Variants in COL21A1 observed in about 807,000 individuals in gnomAD.
The protein encoded by COL21A1 is collagen alpha-1(XXI) chain.
A neutral mutation model predicts 137.9 loss-of-function variants in COL21A1; 149 were observed. That is an observed-to-expected ratio of 1.08 (90% CI 0.95 to 1.24). The LOEUF is 1.24. Ranked by LOEUF, COL21A1 falls within the 50% of genes most tolerant of loss-of-function variation. The pLI, the probability that COL21A1 is intolerant of heterozygous loss-of-function variation, is 0.00. For missense variants in COL21A1, 1,167 were observed against 1,158.4 expected (o/e 1.01, Z -0.11); for synonymous variants, 456 against 391.5 (o/e 1.16, Z -1.95).
At position 56,182,659 on chromosome 6, in the gene COL21A1, A is replaced by AG; in HGVS notation, c.-38-4dup. On this transcript the variant is annotated splice_polypyrimidine_tract_variant and splice_region_variant and intron_variant, in intron 1 of 29. Transcript: ENST00000244728. Reference sequence around the variant, plus strand: ...CTAATATTTTGGTTTTAGGATTCCTAGGGGGAAAAAAAAGGCAAGTTAAAT... The same window carrying AG: ...CTAATATTTTGGTTTTAGGATTCCTAGGGGGGAAAAAAAAGGCAAGTTAAAT... 1.5e-6 allele frequency: 2 copies of AG among 1,353,990 alleles called. No individual in the cohort carries two copies. Among genetic ancestry groups the AG allele is most frequent in the Non-Finnish European group, 2.1e-6 (2 of 967,388 alleles). The allele number at this position is 1,353,990 out of a possible 1,614,324, so 83.9% of individuals were successfully genotyped here.
chr6:56,320,558 T>A (rs1764841187), intron 1 of COL21A1, among the ~76,000 whole-genome samples: 1 of 150,576 alleles, frequency 6.6e-6, no homozygotes, highest in Non-Finnish European at 1.5e-5. Flanking sequence ...CCCCTCCCAC[T>A]CTCCTTTTCT....
chr6:56,243,742 T>C (rs2152326348), intron 1 of COL21A1, among the ~76,000 whole-genome samples: 1 of 152,302 alleles, frequency 6.6e-6, no homozygotes, highest in Non-Finnish European at 1.5e-5. Context: ...ATGTAACTTG[T>C]CCAAGTTTAA....
At chr6:56,121,547 C>A (rs557211430) in intron 16 of COL21A1, among the ~76,000 whole-genome samples, 1 of 141,160 alleles carries the variant, frequency 7.1e-6, no homozygotes, top group Admixed American at 7.0e-5. Context: ...TATGTATATT[C>A]ATATGTATAT....
rs374489593 is a variant in COL21A1, at chr6:56,098,384, A to AAT, written c.1812+3086_1812+3087dup. On this transcript the variant is annotated intron_variant, in intron 17 of 29. Coordinates refer to ENST00000244728, the MANE Select transcript of COL21A1 (RefSeq NM_030820.4). ...ATATGAATATATATAAATATATATA[A>AAT]ATATATAAATATATATATAAATATA... Among the ~76,000 whole-genome samples the AAT allele has an allele frequency of 8.3e-5, 2 of 24,114 alleles. 1 individual carries two copies. Among genetic ancestry groups the AAT allele is most frequent in the Non-Finnish European group, 1.2e-4 (2 of 16,338 alleles). 15.8% of individuals were successfully genotyped at this position (24,114 alleles called of 152,430 possible).
intron 6 of COL21A1, among the ~76,000 whole-genome samples, chr6:56,167,536 C>T (rs1238741200): frequency 6.6e-6 from 1 of 152,112 alleles, no homozygotes; most frequent in Non-Finnish European, 1.5e-5. Flanking sequence ...TTAATAGAAA[C>T]AGTGCAGGAG....
chr6:56,342,346 C>A (rs919533709), intron 1 of COL21A1, among the ~76,000 whole-genome samples: 7 of 152,118 alleles, frequency 4.6e-5, no homozygotes, highest in Non-Finnish European at 5.9e-5. Context: ...TCCAAACAGA[C>A]CATGTAAGTG....
chr6:56,227,075 C>T (rs75804730), intron 1 of COL21A1, among the ~76,000 whole-genome samples: 218 of 151,984 alleles, frequency 1.4e-3, no homozygotes, highest in Non-Finnish European at 2.4e-3. Context: ...GGATACAGTT[C>T]CAGATCATGA....
intron 12 of COL21A1, among the ~76,000 whole-genome samples, chr6:56,130,168 TATATA>T (rs1773416168): frequency 3.8e-5 from 3 of 79,588 alleles, no homozygotes; most frequent in South Asian, 8.5e-4. Context: ...CAGGGTTTTA[TATATA>T]TATATATATA....
intron 23 of COL21A1, among the ~76,000 whole-genome samples, chr6:56,065,619 G>A (rs1430054978): frequency 6.6e-6 from 1 of 151,880 alleles, no homozygotes; most frequent in Non-Finnish European, 1.5e-5. Context: ...GTAAGAGGTA[G>A]CCAATTGGAG....
At chr6:56,370,106 C>T (rs1201002456) in intron 1 of COL21A1, among the ~76,000 whole-genome samples, 1 of 152,110 alleles carries the variant, frequency 6.6e-6, no homozygotes, top group East Asian at 1.9e-4. Context: ...TCTTGTTATG[C>T]TTTTCTGTAT....
Position 56,198,198 on chromosome 6 carries a change from T to G in COL21A1, c.-38-15542A>C, listed in dbSNP as rs1050857998. On this transcript the variant is annotated intron_variant, in intron 1 of 29. Transcript: ENST00000244728. ...AACTCAGAAACAGAGAGTAGAATGTTGATTAACCCAGGCTGGGGAGGAGGA... is the reference window on the plus strand; with the variant it reads ...AACTCAGAAACAGAGAGTAGAATGTGGATTAACCCAGGCTGGGGAGGAGGA... 2.6e-5 allele frequency among the ~76,000 whole-genome samples: 4 copies of G among 152,086 alleles called. No homozygotes were observed. The South Asian group carries it at 6.2e-4, about 24-fold the overall frequency.
intron 23 of COL21A1, among the ~76,000 whole-genome samples, chr6:56,065,226 A>G (rs551503466): frequency 1.4e-4 from 21 of 152,176 alleles, no homozygotes; most frequent in African/African-American, 4.8e-4. Flanking sequence ...CCTTATATTT[A>G]TTGCGCAAAA....
intron 1 of COL21A1, among the ~76,000 whole-genome samples, chr6:56,287,310 C>G (rs946526742): frequency 6.6e-6 from 1 of 152,120 alleles, no homozygotes; most frequent in Non-Finnish European, 1.5e-5. Context: ...ATCTTCAGAA[C>G]CTGTGAATAT....
intron 1 of COL21A1, among the ~76,000 whole-genome samples, chr6:56,310,553 G>T (rs1050345733): frequency 1.3e-5 from 2 of 152,088 alleles, no homozygotes; most frequent in Non-Finnish European, 2.9e-5. Context: ...TCCTGATGTT[G>T]TATACCATAG....
intron 10 of COL21A1, among the ~76,000 whole-genome samples, chr6:56,156,532 T>A (rs1775756112): frequency 6.6e-6 from 1 of 152,176 alleles, no homozygotes; most frequent in Admixed American, 6.5e-5. Flanking sequence ...GTGTCCCCAC[T>A]ATCTTCCAGT....
intron 1 of COL21A1, among the ~76,000 whole-genome samples, chr6:56,282,888 C>T (rs377627709): frequency 2.0e-5 from 3 of 152,148 alleles, no homozygotes; most frequent in Non-Finnish European, 4.4e-5. Context: ...AGTTAATAAA[C>T]TCCTGTTTGT....
intron 1 of COL21A1, among the ~76,000 whole-genome samples, chr6:56,329,095 GA>G (rs1161688937): frequency 6.6e-6 from 1 of 151,988 alleles, no homozygotes. Context: ...TCTTTAAAAT[GA>G]AAAAAGCAGT....
At chr6:56,329,545 G>A (rs1469685312) in intron 1 of COL21A1, among the ~76,000 whole-genome samples, 1 of 152,044 alleles carries the variant, frequency 6.6e-6, no homozygotes, top group Non-Finnish European at 1.5e-5. Flanking sequence ...TAGTTCAGGG[G>A]TGAGAGGAAA....
At chr6:56,364,555 G>A (rs1766053533) in intron 1 of COL21A1, among the ~76,000 whole-genome samples, 2 of 152,150 alleles carry the variant, frequency 1.3e-5, no homozygotes, top group South Asian at 4.1e-4. Flanking sequence ...GAATGGCACA[G>A]GCAGCTGGTG....
Sources: allele counts gnomAD v4.1 joint callset (sites outside exome capture counted in the v4.1 genomes callset), GRCh38; gene constraint gnomAD v4.1.1; transcripts MANE v1.5; gene names NCBI Gene and HGNC (gene_info 2026-07-23, HGNC 2026-07-21).